CBR3: variants seen among roughly 807,000 people sequenced by gnomAD.
CBR3 encodes the protein carbonyl reductase [NADPH] 3.
A neutral mutation model predicts 11.6 loss-of-function variants in CBR3; 14 were observed. The observed-to-expected ratio is 1.20, with a 90% CI of 0.79 to 1.88. CBR3 has a LOEUF of 1.88. CBR3 is among the 40% of genes most tolerant of loss of function. The pLI is 0.00. For missense variants in CBR3, 308 were observed against 357.3 expected, an observed-to-expected ratio of 0.86 and a Z score of 1.11; for synonymous variants, 125 against 145.6, an observed-to-expected ratio of 0.86 and a Z score of 1.02.
intron 2 of CBR3, among the ~76,000 whole-genome samples, chr21:36,139,973 C>T (rs892374881): frequency 1.3e-5 from 2 of 149,404 alleles, no homozygotes; most frequent in Non-Finnish European, 3.0e-5. Flanking sequence ...CTGCAACCTC[C>T]GCCTCTCAGG....
At chr21:36,141,973 A>G in intron 2 of CBR3, 2 of 961,624 alleles carry the variant, frequency 2.1e-6, no homozygotes, top group Non-Finnish European at 2.5e-6. Context: ...GAAGAACACA[A>G]CATCACTGAT....
intron 2 of CBR3, chr21:36,141,981 G>T: frequency 1.1e-6 from 1 of 943,616 alleles, no homozygotes; most frequent in Non-Finnish European, 1.3e-6. Flanking sequence ...CAACATCACT[G>T]ATGTAGTATT....
At chr21:36,141,766 G>C (rs45568242) in intron 2 of CBR3, 2 of 196,578 alleles carry the variant, frequency 1.0e-5, no homozygotes, top group Non-Finnish European at 1.8e-5. Flanking sequence ...TCTGGCTGAC[G>C]AGGCTGACTG....
At chr21:36,143,934 C>G (rs1396424216) in intron 2 of CBR3, among the ~76,000 whole-genome samples, 3 of 151,362 alleles carry the variant, frequency 2.0e-5, no homozygotes, top group African/African-American at 7.3e-5. Context: ...GAAAAACAGC[C>G]CATTCCACAC....
intron 2 of CBR3, among the ~76,000 whole-genome samples, chr21:36,140,981 C>T (rs1312822972): frequency 7.6e-6 from 1 of 132,318 alleles, no homozygotes. Context: ...GCACTCCAGC[C>T]TGGGCGACAG....
At chr21:36,145,046 G>C (rs1043190917) in intron 2 of CBR3, 4 of 152,284 alleles carry the variant, frequency 2.6e-5, no homozygotes, top group African/African-American at 9.6e-5. Context: ...GGAGGTTGCA[G>C]TGAGCCAAGA....
At chr21:36,135,521 C>T (rs1472363246) in intron 1 of CBR3, 40 bp downstream of exon 1, 1 of 1,540,886 alleles carries the variant, frequency 6.5e-7, no homozygotes, top group East Asian at 2.4e-5. Context: ...TGGAGCGCTC[C>T]GAGGGTGCGG....
Position 36,137,904 on chromosome 21 carries a change from C to T in CBR3, c.369C>T (p.Asn123=), listed in dbSNP as rs555690074. Residue 123 remains asparagine, a synonymous_variant, in exon 2 of 3, where the codon AAC becomes AAT. Coordinates refer to ENST00000290354, the MANE Select transcript of CBR3 (RefSeq NM_001236.4). The part of the protein sequence containing the change: ...TNFFATRNMC[N]ELLPIMKPHG... ...TTTTTGCCACTAGAAACATGTGCAA[C>T]GAGTTACTGCCGATAATGAAACCTC... 28 of 1,607,586 alleles carry T rather than the reference C, an allele frequency of 1.7e-5. No homozygotes were observed. Among genetic ancestry groups the T allele is most frequent in the African/African-American group, 2.7e-5 (2 of 74,842 alleles).
intron 2 of CBR3, 41 bp downstream of exon 2, chr21:36,137,973 A>C: frequency 9.2e-7 from 1 of 1,090,332 alleles, no homozygotes; most frequent in African/African-American, 1.6e-5. Context: ...ATCCCTCAGT[A>C]AGAAGTGGGC....
At chr21:36,135,630 G>C in intron 1 of CBR3, 149 bp downstream of exon 1, 1 of 734,918 alleles carries the variant, frequency 1.4e-6, no homozygotes, top group South Asian at 2.4e-5. Context: ...CCCGCGAGGC[G>C]GTTTTCGCTT....
rs893086152 is a variant in CBR3, at chr21:36,145,951, ACT to A, written c.398-122_398-121del. 1.0e-5 allele frequency: 7 copies of A among 688,120 alleles called. No individual in the cohort carries two copies. The Admixed American group carries it at 1.1e-4, about 11-fold the overall frequency. The allele number at this position is 688,120 out of a possible 1,614,324, so 42.6% of individuals were successfully genotyped here. A position where few individuals can be genotyped will look rare whatever the true frequency, so the allele number is the denominator to read the frequency against. On this transcript the variant is annotated intron_variant, in intron 2 of 2. Coordinates refer to ENST00000290354, the MANE Select transcript of CBR3 (RefSeq NM_001236.4). Reference sequence around the variant, plus strand: ...ACTCTAGCCTGGGCAACAGGGCGAGACTCTGTCTCAAAAAAAAAAAAAAAAAA... The same window carrying A: ...ACTCTAGCCTGGGCAACAGGGCGAGACTGTCTCAAAAAAAAAAAAAAAAAA...
At chr21:36,145,806 A>T (rs1425527610) in intron 2 of CBR3, among the ~76,000 whole-genome samples, 2 of 152,080 alleles carry the variant, frequency 1.3e-5, no homozygotes, top group African/African-American at 4.8e-5. Context: ...CTAAAAATAC[A>T]AAAATTAGCC....
Position 36,135,155 on chromosome 21 carries a change from C to T in CBR3, c.-38C>T. On this transcript the variant is annotated 5_prime_UTR_variant, in exon 1 of 3. Transcript: ENST00000290354. ...GCCCCAGGTGGTCCGAAGCCCGGTC[C>T]GCCCTCCACGCAGGTGCCCCGCGCT... is the stretch of plus-strand genomic sequence containing the variant. 2 of 1,416,784 alleles carry T rather than the reference C, an allele frequency of 1.4e-6. No individual in the cohort carries two copies. Among genetic ancestry groups the T allele is most frequent in the Non-Finnish European group, 9.2e-7 (1 of 1,091,146 alleles). 87.8% of individuals were successfully genotyped at this position (1,416,784 alleles called of 1,614,324 possible).
intron 2 of CBR3, among the ~76,000 whole-genome samples, chr21:36,139,370 T>G (rs1488340196): frequency 6.9e-6 from 1 of 145,394 alleles, no homozygotes; most frequent in Non-Finnish European, 1.5e-5. Flanking sequence ...ATTAAAAATG[T>G]GCTTGCTTTT....
At chr21:36,138,149 C>A in intron 2 of CBR3, 1 of 428,446 alleles carries the variant, frequency 2.3e-6, no homozygotes, top group Non-Finnish European at 4.2e-6. Context: ...TTTTGTTTGG[C>A]AGTGGGGTGG....
chr21:36,135,715 T>C, intron 1 of CBR3: 2 of 485,440 alleles, frequency 4.1e-6, no homozygotes, highest in Non-Finnish European at 7.2e-6. Flanking sequence ...TGAGGGCCTG[T>C]GCGCGGCCCG....
At chr21:36,145,852 T>C (rs2065749466) in intron 2 of CBR3, among the ~76,000 whole-genome samples, 1 of 151,124 alleles carries the variant, frequency 6.6e-6, no homozygotes, top group Non-Finnish European at 1.5e-5. Context: ...TTCCAGCTAC[T>C]CAGGAGGCTG....
chr21:36,137,084 T>TCCTACGCA (rs1274498258), intron 1 of CBR3: 2 of 144,544 alleles, frequency 1.4e-5, no homozygotes, highest in Admixed American at 6.9e-5. Flanking sequence ...CCCAGCTCCC[T>TCCTACGCA]CCTACGCACC....
chr21:36,141,621 A>G (rs2123346408), intron 2 of CBR3: 1 of 152,340 alleles, frequency 6.6e-6, no homozygotes, highest in African/African-American at 2.4e-5. Context: ...AGGACAAGCA[A>G]CTACTAAGCC....
Sources: gnomAD v4.1 joint callset for allele counts (sites outside exome capture counted in the v4.1 genomes callset) on GRCh38, gnomAD v4.1.1 for gene constraint, MANE v1.5 for transcripts, NCBI Gene and HGNC (gene_info 2026-07-23, HGNC 2026-07-21) for gene names.